Variants in EYS observed in about 807,000 individuals in gnomAD.
EYS encodes the protein EGF-like photoreceptor maintenance factor, also known as protein eyes shut homolog.
A neutral mutation model predicts 282.1 loss-of-function variants in EYS; 250 were observed. That is an observed-to-expected ratio of 0.89 (90% confidence interval 0.80 to 0.98). The LOEUF is 0.98. Among genes scored for constraint, EYS ranks in the 50% least tolerant of loss-of-function variants. The pLI, the probability that EYS is intolerant of heterozygous loss-of-function variation, is 0.00. For missense variants in EYS, 4,016 were observed against 3,709.0 expected (o/e 1.08, Z -2.15); for synonymous variants, 1,355 against 1,282.9 (o/e 1.06, Z -1.20).
chr6:65,674,074 G>C (rs984481805), intron 1 of EYS, among the ~76,000 whole-genome samples: 1 of 151,842 alleles, frequency 6.6e-6, no homozygotes, highest in Non-Finnish European at 1.5e-5. Context: ...TTGTGCAGAA[G>C]AAAAACAGTG....
rs547246849 is a variant in EYS at position 65,570,395 on chromosome 6, G to T, written c.-333+69383C>A. Among the ~76,000 whole-genome samples the T allele has an allele frequency of 3.3e-5, 5 of 152,218 alleles. No homozygotes were observed. The East Asian group carries it at 9.7e-4, about 29-fold the overall frequency. On this transcript the variant is annotated intron_variant, in intron 2 of 42. Transcript: ENST00000503581. ...CAATGATTTACTAGGACGTTTTTTG[G>T]GAACTCATCAGCAAGTCATTTTGAA...
At chr6:64,022,043 C>CT (rs1167703726) in intron 33 of EYS, among the ~76,000 whole-genome samples, 1 of 152,054 alleles carries the variant, frequency 6.6e-6, no homozygotes, top group East Asian at 1.9e-4. Context: ...AGATTATTTC[C>CT]TTTTTTTCTG....
intron 22 of EYS, among the ~76,000 whole-genome samples, chr6:64,728,002 G>A (rs1771817476): frequency 6.6e-6 from 1 of 152,164 alleles, no homozygotes; most frequent in South Asian, 2.1e-4. Context: ...GTGGAAACTG[G>A]AATGCATGGG....
intron 37 of EYS, among the ~76,000 whole-genome samples, chr6:63,794,500 A>G (rs1331785963): frequency 6.6e-6 from 1 of 152,204 alleles, no homozygotes; most frequent in East Asian, 1.9e-4. Flanking sequence ...TGAAGGCATC[A>G]TTTTTAAACA....
intron 34 of EYS, among the ~76,000 whole-genome samples, chr6:63,995,092 A>G (rs61648828): frequency 6.6e-6 from 1 of 152,066 alleles, no homozygotes; most frequent in Non-Finnish European, 1.5e-5. Context: ...GGAAACCTAC[A>G]GAATGGGAGA....
At chr6:65,233,842 T>C (rs1377301200) in intron 12 of EYS, among the ~76,000 whole-genome samples, 1 of 152,196 alleles carries the variant, frequency 6.6e-6, no homozygotes, top group Non-Finnish European at 1.5e-5. Flanking sequence ...GTTTCTACCC[T>C]GTGTTGATGG....
At chr6:64,379,370 T>C (rs1477446434) in intron 29 of EYS, among the ~76,000 whole-genome samples, 1 of 152,188 alleles carries the variant, frequency 6.6e-6, no homozygotes, top group Non-Finnish European at 1.5e-5. Flanking sequence ...CCCTAACTAA[T>C]ATAAACCAGA....
intron 13 of EYS, among the ~76,000 whole-genome samples, chr6:65,028,126 T>C (rs901858053): frequency 2.6e-5 from 4 of 152,122 alleles, no homozygotes; most frequent in African/African-American, 9.7e-5. Context: ...TGTGCAGTGC[T>C]CATCATGGAG....
intron 31 of EYS, among the ~76,000 whole-genome samples, chr6:64,097,020 C>G (rs777533712): frequency 2.8e-4 from 43 of 152,158 alleles, no homozygotes; most frequent in Non-Finnish European, 3.1e-4. Flanking sequence ...AGGTCCACTC[C>G]AGACCCTTTT....
rs147749414 is a variant in EYS at position 64,495,813 on chromosome 6, C to T, written c.5645-56461G>A. Among the ~76,000 whole-genome samples the T allele has an allele frequency of 2.5e-3, 380 of 151,844 alleles. 1 individual carries two copies. Among genetic ancestry groups the T allele is most frequent in the African/African-American group, 8.2e-3 (342 of 41,484 alleles). On this transcript the variant is annotated intron_variant, in intron 26 of 42. Transcript: ENST00000503581. ...TTTAATTAATAAACAATTCTAAATA[C>T]ATCTGTCATTTCAATGAACTTAATT...
chr6:63,975,782 G>T (rs1407842223), intron 35 of EYS, among the ~76,000 whole-genome samples: 2 of 151,922 alleles, frequency 1.3e-5, no homozygotes, highest in Non-Finnish European at 2.9e-5. Context: ...CTTGCTTAAG[G>T]ATTATGTAAT....
At chr6:64,056,406 T>A (rs1485328616) in intron 33 of EYS, among the ~76,000 whole-genome samples, 1 of 152,180 alleles carries the variant, frequency 6.6e-6, no homozygotes. Context: ...TTTCTGTGCA[T>A]CATCAATCCA....
intron 19 of EYS, among the ~76,000 whole-genome samples, chr6:64,876,576 T>C (rs573728170): frequency 6.6e-6 from 1 of 152,222 alleles, no homozygotes; most frequent in Admixed American, 6.5e-5. Context: ...GGAGATTTAA[T>C]TCAAGTAGTA....
chr6:63,736,948 A>T (rs1263328529), intron 41 of EYS, among the ~76,000 whole-genome samples: 11 of 152,240 alleles, frequency 7.2e-5, no homozygotes, highest in African/African-American at 2.6e-4. Flanking sequence ...GTATCCTGAG[A>T]CTTTGCTGAA....
chr6:65,329,843 A>T (rs1769732415), intron 11 of EYS: 1 of 981,714 alleles, frequency 1.0e-6, no homozygotes, highest in Non-Finnish European at 1.2e-6. Flanking sequence ...AAGCCTCCTG[A>T]CTCTACAGAA....
At chr6:65,196,242 C>T (rs1437135704) in intron 12 of EYS, among the ~76,000 whole-genome samples, 1 of 151,870 alleles carries the variant, frequency 6.6e-6, no homozygotes, top group Admixed American at 6.6e-5. Context: ...ACTAACTGAA[C>T]TTCACTCTTT....
intron 12 of EYS, among the ~76,000 whole-genome samples, chr6:65,106,786 T>C (rs953110857): frequency 6.6e-6 from 1 of 152,116 alleles, no homozygotes; most frequent in African/African-American, 2.4e-5. Flanking sequence ...GGTCTTTACA[T>C]GTAAAATGCA....
chr6:64,531,414 G>T (rs1338531667), intron 26 of EYS, among the ~76,000 whole-genome samples: 2 of 146,022 alleles, frequency 1.4e-5, no homozygotes, highest in African/African-American at 5.0e-5. Flanking sequence ...TTGAGATGGA[G>T]TCTCGCTCTG....
intron 5 of EYS, among the ~76,000 whole-genome samples, chr6:65,445,275 C>A (rs988724297): frequency 1.3e-5 from 2 of 151,718 alleles, no homozygotes; most frequent in Non-Finnish European, 2.9e-5. Flanking sequence ...TTTATTAATC[C>A]TGTGTACTGA....
Sources: allele counts gnomAD v4.1 joint callset (sites outside exome capture counted in the v4.1 genomes callset), GRCh38; gene constraint gnomAD v4.1.1; transcripts MANE v1.5; gene names NCBI Gene and HGNC (gene_info 2026-07-23, HGNC 2026-07-21).